WDR33: variants seen among roughly 807,000 people sequenced by gnomAD.
The protein encoded by WDR33 is WD repeat domain 33, also known as pre-mRNA 3' end processing protein WDR33.
A neutral mutation model predicts 164.9 loss-of-function variants in WDR33; 47 were observed. The observed-to-expected ratio is 0.29, with a 90% CI of 0.23 to 0.36. WDR33 has a LOEUF of 0.36. Among genes scored for constraint, WDR33 ranks in the 10% least tolerant of loss-of-function variants. The pLI is 1.00. For synonymous variants in WDR33, 505 were observed against 589.0 expected (o/e 0.86, Z 2.06); for missense variants, 1,137 against 1,754.1 (o/e 0.65, Z 6.28).
intron 7 of WDR33, among the ~76,000 whole-genome samples, chr2:127,730,729 C>G (rs941671596): frequency 6.6e-6 from 1 of 152,060 alleles, no homozygotes; most frequent in Non-Finnish European, 1.5e-5. Context: ...TATACTTGTA[C>G]ATTTTGATAT....
chr2:127,779,083 C>T (rs1309473790), intron 1 of WDR33, among the ~76,000 whole-genome samples: 2 of 151,682 alleles, frequency 1.3e-5, no homozygotes, highest in Non-Finnish European at 2.9e-5. Context: ...GAGCCTAAAG[C>T]GGTGCTTTTT....
intron 1 of WDR33, among the ~76,000 whole-genome samples, chr2:127,797,531 T>C (rs1025963488): frequency 1.3e-5 from 2 of 152,102 alleles, no homozygotes; most frequent in Non-Finnish European, 2.9e-5. Context: ...CCCTCCAAGC[T>C]ATATTATGAA....
chr2:127,717,329 A>G lies in WDR33; in HGVS notation c.2761-66T>C, dbSNP rs1686326144. ...CTTGAGCTACATAAATAGTGATTGCATTATAACATGACAAGATAAAAATAC... is the reference window on the plus strand; with the variant it reads ...CTTGAGCTACATAAATAGTGATTGCGTTATAACATGACAAGATAAAAATAC... On this transcript the variant is annotated intron_variant, in intron 16 of 21. Transcript: ENST00000322313. This position sits in a 1 kb window ranked among gnomAD's most constrained non-coding sequence, Gnocchi z 5.6. 7.7e-7 allele frequency: 1 copy of G among 1,303,226 alleles called. No individual in the cohort carries two copies. The highest frequency in any genetic ancestry group is 1.5e-5 in the African/African-American group (1 of 65,070). 80.7% of individuals were successfully genotyped at this position (1,303,226 alleles called of 1,614,324 possible).
chr2:127,803,120 T>G (rs535290723), intron 1 of WDR33, among the ~76,000 whole-genome samples: 1 of 152,120 alleles, frequency 6.6e-6, no homozygotes, highest in African/African-American at 2.4e-5. Context: ...TTCAAGTAAC[T>G]TTTGAAGAAA....
At chr2:127,745,372 G>A (rs1160410587) in intron 7 of WDR33, among the ~76,000 whole-genome samples, 2 of 152,164 alleles carry the variant, frequency 1.3e-5, no homozygotes, top group Non-Finnish European at 2.9e-5. Context: ...GGACCACGAA[G>A]TTCCCAGTGT....
rs1223570298 is a variant in WDR33 at position 127,764,105 on chromosome 2, G to A, written c.626+723C>T. 3.0e-6 allele frequency: 3 copies of A among 988,674 alleles called. No individual in the cohort carries two copies. In the African/African-American group the frequency reaches 5.2e-5, roughly 17 times the overall value. The allele number at this position is 988,674 out of a possible 1,614,324, so 61.2% of individuals were successfully genotyped here. A position where few individuals can be genotyped will look rare whatever the true frequency, so the allele number is the denominator to read the frequency against. On this transcript the variant is annotated intron_variant, in intron 6 of 21. Transcript: ENST00000322313. This position sits in a 1 kb window ranked among gnomAD's most constrained non-coding sequence, Gnocchi z 6.2. ...GCAGCAATTCTTCAGGCTTGTATTT[G>A]GAACTTTTTCCCCCAGTTTTACTAT...
intron 7 of WDR33, among the ~76,000 whole-genome samples, chr2:127,728,940 C>T (rs1686635165): frequency 6.6e-6 from 1 of 151,966 alleles, no homozygotes; most frequent in Non-Finnish European, 1.5e-5. Flanking sequence ...TACGTAAAAA[C>T]AAAAAAACTA....
rs1342983082 is a variant in WDR33 at position 127,717,147 on chromosome 2, A to G, written c.2869+8T>C. 2.5e-6 allele frequency: 4 copies of G among 1,593,288 alleles called. No homozygotes were observed. Among genetic ancestry groups the G allele is most frequent in the South Asian group, 1.1e-5 (1 of 88,006 alleles). On this transcript the variant is annotated splice_region_variant and intron_variant, in intron 17 of 21. Transcript: ENST00000322313. The surrounding 1 kb of genome is among the most constrained non-coding windows in gnomAD (Gnocchi z 5.6). The stretch of plus-strand genomic sequence containing the variant: ...TATAATCTTTTATTCAGCTGAGCAG[A>G]TATTTACCTTTGTTGGGGCCAGGTC...
intron 1 of WDR33, among the ~76,000 whole-genome samples, chr2:127,788,165 C>A (rs1688670517): frequency 9.4e-6 from 1 of 106,422 alleles, no homozygotes; most frequent in African/African-American, 4.0e-5. Flanking sequence ...CGCCCCTCAC[C>A]TCCCAGACGG....
At chr2:127,800,554 A>G (rs539992813) in intron 1 of WDR33, among the ~76,000 whole-genome samples, 2 of 151,026 alleles carry the variant, frequency 1.3e-5, no homozygotes, top group Admixed American at 6.6e-5. Context: ...GGAGAATGGC[A>G]TGAACCCAGG....
intron 1 of WDR33, among the ~76,000 whole-genome samples, chr2:127,809,031 CAAAAA>C (rs11305287): frequency 1.2e-5 from 1 of 84,924 alleles, no homozygotes; most frequent in Admixed American, 1.4e-4. Context: ...ACTCTTGTCT[CAAAAA>C]AAAAAAAAAA....
intron 17 of WDR33, among the ~76,000 whole-genome samples, chr2:127,715,907 C>T (rs975841117): frequency 6.6e-6 from 1 of 151,886 alleles, no homozygotes; most frequent in African/African-American, 2.4e-5. Context: ...CCCTTTGGTC[C>T]CTGGGAGGAG....
At chr2:127,776,836 C>A (rs112996919) in intron 1 of WDR33, among the ~76,000 whole-genome samples, 1 of 152,238 alleles carries the variant, frequency 6.6e-6, no homozygotes, top group Admixed American at 6.5e-5. Context: ...CTATCCTCTA[C>A]GCTTTACTTG....
Position 127,717,241 on chromosome 2 carries a change from G to T in WDR33, c.2783C>A (p.Pro928Gln). Residue 928 changes from proline (P) to glutamine (Q), a missense_variant, in exon 17 of 22, where the codon CCA becomes CAA. Around this residue, in one of 9 missense-constraint regions of WDR33, gnomAD observed 867 missense variants for 1,073.0 expected, o/e 0.81. Coordinates refer to ENST00000322313, the MANE Select transcript of WDR33 (RefSeq NM_018383.5). The surrounding 1 kb of genome is among the most constrained non-coding windows in gnomAD (Gnocchi z 5.6). ...CTGCCCTAGGCCTGGTATCAGGGGTGGGGGGCCTGTGCTCTGTCCTTCCTG... is the reference window on the plus strand; with the variant it reads ...CTGCCCTAGGCCTGGTATCAGGGGTTGGGGGCCTGTGCTCTGTCCTTCCTG... ...FNQEGQSTGP[P>Q]PLIPGLGQQG... The T allele has an allele frequency of 2.5e-6, 4 of 1,601,734 alleles. No homozygotes were observed. The highest frequency in any genetic ancestry group is 1.3e-5 in the African/African-American group (1 of 74,572).
At chr2:127,748,329 A>G (rs1687224363) in intron 7 of WDR33, among the ~76,000 whole-genome samples, 1 of 152,196 alleles carries the variant, frequency 6.6e-6, no homozygotes. Flanking sequence ...TGACAGGTGT[A>G]CTCCTAGTGG....
In WDR33 at chr2:127,702,109, C is replaced by G; in HGVS notation, c.*4214G>C. On this transcript the variant is annotated 3_prime_UTR_variant, in exon 22 of 22. Transcript: ENST00000322313. Reference sequence around the variant, plus strand: ...GGGCTGCTGCCCTGGGGCGGCGGCACCGCGCTGCGCCTCGCACTGGGTCGC... The same window carrying G: ...GGGCTGCTGCCCTGGGGCGGCGGCAGCGCGCTGCGCCTCGCACTGGGTCGC... 4 of 1,216,210 alleles carry G rather than the reference C, an allele frequency of 3.3e-6. No individual in the cohort carries two copies. Among genetic ancestry groups the G allele is most frequent in the Non-Finnish European group, 4.1e-6 (4 of 979,902 alleles). 75.3% of individuals were successfully genotyped at this position (1,216,210 alleles called of 1,614,324 possible). A position where few individuals can be genotyped will look rare whatever the true frequency, so the allele number is the denominator to read the frequency against.
At chr2:127,745,547 A>G (rs371199545) in intron 7 of WDR33, among the ~76,000 whole-genome samples, 6 of 152,362 alleles carry the variant, frequency 3.9e-5, no homozygotes, top group Middle Eastern at 6.8e-3. Context: ...AGAAAAACAG[A>G]TTAAATGAGG....
intron 7 of WDR33, among the ~76,000 whole-genome samples, chr2:127,742,905 C>T (rs963897361): frequency 6.8e-6 from 1 of 146,212 alleles, no homozygotes; most frequent in Non-Finnish European, 1.5e-5. Flanking sequence ...GAAAAGAGAT[C>T]ATTCAGAAAA....
chr2:127,746,041 TA>T (rs59854828), intron 7 of WDR33, among the ~76,000 whole-genome samples: 24,140 of 99,824 alleles, frequency 0.24, 2,528 homozygotes, highest in African/African-American at 0.35. Context: ...ATAAAATAAT[TA>T]AAAAAAAAAA....
Sources: allele counts gnomAD v4.1 joint callset (sites outside exome capture counted in the v4.1 genomes callset), GRCh38; gene constraint gnomAD v4.1.1; regional missense constraint gnomAD v4.1.1; non-coding constraint Gnocchi (gnomAD v3.1); transcripts MANE v1.5; gene names NCBI Gene and HGNC (gene_info 2026-07-23, HGNC 2026-07-21).